Variants in NRG1 observed in about 807,000 individuals in gnomAD.
NRG1 encodes pro-neuregulin-1, membrane-bound isoform.
NRG1 carries 18 observed loss-of-function variants against 63.8 expected under a neutral mutation model. The ratio of observed to expected loss-of-function variants is 0.28; its 90% CI spans 0.19 to 0.42. NRG1 has a LOEUF of 0.42. NRG1 is among the 10% of genes least tolerant of loss of function. The probability of loss-of-function intolerance (pLI) is 1.00; values close to 1 mark genes in which losing one functional copy is unlikely to be tolerated. For synonymous variants in NRG1, 302 were observed against 301.3 expected (o/e 1.00, Z -0.02); for missense variants, 762 against 814.7 (o/e 0.94, Z 0.79).
chr8:31,644,235 C>T (rs762308022), intron 1 of NRG1, among the ~76,000 whole-genome samples: 4 of 152,060 alleles, frequency 2.6e-5, no homozygotes, highest in Non-Finnish European at 5.9e-5. Context: ...TTTAATTTCC[C>T]AAGTGTTTGT....
rs574194707 is a variant in NRG1 at position 32,101,780 on chromosome 8, A to G, written c.37+462349A>G. The stretch of plus-strand genomic sequence containing the variant: ...ACTCTAAAGATTTTCCCTTATAGTT[A>G]TAGAAATTAGGAAATGCCCTATTGT... On this transcript the variant is annotated intron_variant, in intron 1 of 10. Coordinates refer to the NRG1 transcript ENST00000519301. 2.0e-5 allele frequency among the ~76,000 whole-genome samples: 3 copies of G among 152,318 alleles called. No individual in the cohort carries two copies. In the East Asian group the frequency reaches 5.8e-4, roughly 29 times the overall value.
intron 5 of NRG1, among the ~76,000 whole-genome samples, chr8:32,642,773 G>A (rs928939892): frequency 2.0e-4 from 30 of 152,164 alleles, no homozygotes; most frequent in African/African-American, 7.0e-4. Context: ...CTTTTTCAGT[G>A]ATAATATTTT....
chr8:32,159,471 T>C lies in NRG1; in HGVS notation c.38-436357T>C, dbSNP rs528954811. 5.1e-3 allele frequency among the ~76,000 whole-genome samples: 760 copies of C among 148,324 alleles called. 24 individuals carry two copies. The highest frequency in any genetic ancestry group is 0.019 in the African/African-American group (722 of 38,902). On this transcript the variant is annotated intron_variant, in intron 1 of 10. Coordinates refer to the NRG1 transcript ENST00000519301. ...ATGGCGTGAACCCAGGAAGCGGTGC[T>C]TGCAGTGAGCCGAGATTGCGCCACT... is the stretch of plus-strand genomic sequence containing the variant.
rs139025779 is a variant in NRG1, at chr8:32,490,914, G to A, written c.38-104914G>A. Among the ~76,000 whole-genome samples, 24 of 152,072 alleles carry A rather than the reference G, an allele frequency of 1.6e-4. No individual in the cohort carries two copies. In the East Asian group the frequency reaches 1.7e-3, roughly 11 times the overall value. The stretch of plus-strand genomic sequence containing the variant: ...CATTCAGCACTCCTGTTGTGACTTC[G>A]CCCCATCTCCAATCTTACATTTTAT... On this transcript the variant is annotated intron_variant, in intron 1 of 10. Transcript: ENST00000519301.
intron 1 of NRG1, among the ~76,000 whole-genome samples, chr8:32,063,911 G>A (rs1006591627): frequency 2.0e-5 from 3 of 152,046 alleles, no homozygotes; most frequent in East Asian, 1.9e-4. Context: ...GGGGCAGTAC[G>A]TGGCATGCCT....
At chr8:32,367,577 A>C (rs1268852525) in intron 1 of NRG1, among the ~76,000 whole-genome samples, 1 of 152,122 alleles carries the variant, frequency 6.6e-6, no homozygotes, top group Non-Finnish European at 1.5e-5. Flanking sequence ...CTCAAACTAT[A>C]GTCCTTTGTC....
intron 1 of NRG1, among the ~76,000 whole-genome samples, chr8:31,814,331 C>T (rs773400169): frequency 1.3e-5 from 2 of 152,178 alleles, no homozygotes; most frequent in African/African-American, 2.4e-5. Context: ...TCTCCAGCCC[C>T]GGTTCCTTTT....
In NRG1 at chr8:32,185,100, C is replaced by T. The variant is rs116939895; in HGVS notation, c.38-410728C>T. Among the ~76,000 whole-genome samples the T allele has an allele frequency of 9.1e-4, 138 of 152,178 alleles. 1 individual carries two copies. In the East Asian group the frequency reaches 0.022, roughly 24 times the overall value. On this transcript the variant is annotated intron_variant, in intron 1 of 10. Coordinates refer to the NRG1 transcript ENST00000519301. Reference sequence around the variant, plus strand: ...ACTCTGGGGAAAATCTTCTTTCATCCTTCTAAGTTCTTACTCCACACTCCC... The same window carrying T: ...ACTCTGGGGAAAATCTTCTTTCATCTTTCTAAGTTCTTACTCCACACTCCC...
At chr8:31,868,953 T>C (rs912626632) in intron 1 of NRG1, among the ~76,000 whole-genome samples, 4 of 152,196 alleles carry the variant, frequency 2.6e-5, no homozygotes, top group African/African-American at 9.6e-5. Context: ...TCACAGATAT[T>C]TGTGAGTCTC....
chr8:32,320,416 A>G (rs1801242278), intron 1 of NRG1, among the ~76,000 whole-genome samples: 1 of 152,224 alleles, frequency 6.6e-6, no homozygotes, highest in Admixed American at 6.5e-5. Flanking sequence ...GGTAATTTAT[A>G]GAGAAAAGAG....
chr8:32,515,506 G>A (rs1338052704), intron 1 of NRG1, among the ~76,000 whole-genome samples: 3 of 152,060 alleles, frequency 2.0e-5, no homozygotes, highest in East Asian at 1.9e-4. Context: ...GAGTGCAGTG[G>A]TGTGATCAGC....
chr8:31,726,631 G>T (rs954603362), intron 1 of NRG1, among the ~76,000 whole-genome samples: 12 of 152,106 alleles, frequency 7.9e-5, no homozygotes. Context: ...GGGAGTGCTA[G>T]AAGTACCAAT....
intron 1 of NRG1, among the ~76,000 whole-genome samples, chr8:31,662,602 A>T (rs889223217): frequency 6.6e-6 from 1 of 152,104 alleles, no homozygotes; most frequent in Non-Finnish European, 1.5e-5. Context: ...TTTGTGTGAG[A>T]TAGATGCAAT....
chr8:32,348,969 C>T (rs1714425), intron 1 of NRG1, among the ~76,000 whole-genome samples: 22,656 of 152,212 alleles, frequency 0.15, 2,463 homozygotes, highest in East Asian at 0.58. Context: ...GCAGAGTGCA[C>T]TTAGTAGGTG....
intron 1 of NRG1, among the ~76,000 whole-genome samples, chr8:32,218,813 T>G (rs1001118582): frequency 3.3e-5 from 5 of 152,238 alleles, no homozygotes; most frequent in African/African-American, 1.2e-4. Flanking sequence ...AGCCTCATCT[T>G]CTTTGGCTAC....
chr8:31,865,988 G>C (rs1828922347), intron 1 of NRG1, among the ~76,000 whole-genome samples: 3 of 152,144 alleles, frequency 2.0e-5, no homozygotes. Flanking sequence ...TGGTCACCAG[G>C]CTCATTAGGA....
At chr8:31,753,033 T>C (rs952054246) in intron 1 of NRG1, among the ~76,000 whole-genome samples, 6 of 152,144 alleles carry the variant, frequency 3.9e-5, no homozygotes, top group Admixed American at 3.3e-4. Context: ...AATCTCAATC[T>C]CTTCCTCTCT....
intron 1 of NRG1, among the ~76,000 whole-genome samples, chr8:31,883,582 A>T (rs1830511605): frequency 6.6e-6 from 1 of 152,240 alleles, no homozygotes; most frequent in Non-Finnish European, 1.5e-5. Flanking sequence ...GAGTAGCCCA[A>T]TCAAGTAATT....
At chr8:32,019,127 C>A (rs774612689) in intron 1 of NRG1, among the ~76,000 whole-genome samples, 2 of 152,110 alleles carry the variant, frequency 1.3e-5, no homozygotes, top group Non-Finnish European at 2.9e-5. Context: ...GAGACGGAGT[C>A]TCACTCTATA....
Sources: gnomAD v4.1 joint callset for allele counts (sites outside exome capture counted in the v4.1 genomes callset) on GRCh38, gnomAD v4.1.1 for gene constraint, MANE v1.5 for transcripts, NCBI Gene and HGNC (gene_info 2026-07-23, HGNC 2026-07-21) for gene names.